The following APBA2 variants were observed in gnomAD, a reference collection of about 807,000 sequenced individuals.
The protein encoded by APBA2 is amyloid-beta A4 precursor protein-binding family A member 2.
A neutral mutation model predicts 75.0 loss-of-function variants in APBA2; 30 were observed. That is an observed-to-expected ratio of 0.40 (90% CI 0.30 to 0.54). The LOEUF is 0.54. Ranked by LOEUF, APBA2 falls within the 20% of genes least tolerant of loss-of-function variation. The probability of loss-of-function intolerance (pLI) is 0.49; values close to 1 mark genes in which losing one functional copy is unlikely to be tolerated. For missense variants in APBA2, 801 were observed against 1,016.1 expected, an observed-to-expected ratio of 0.79 and a Z score of 2.88; for synonymous variants, 444 against 409.6, an observed-to-expected ratio of 1.08 and a Z score of -1.01.
At chr15:29,026,828 G>A (rs1259220294) in intron 3 of APBA2, among the ~76,000 whole-genome samples, 2 of 152,186 alleles carry the variant, frequency 1.3e-5, no homozygotes, top group African/African-American at 4.8e-5. Context: ...GGCTGAGGCA[G>A]GAGAATGGTG....
chr15:28,939,791 C>G (rs909643180), intron 2 of APBA2, among the ~76,000 whole-genome samples: 1 of 152,156 alleles, frequency 6.6e-6, no homozygotes, highest in African/African-American at 2.4e-5. Flanking sequence ...CAGCAGGGCC[C>G]CTAGGGTGCC....
At chr15:28,949,852 C>T (rs1392653389) in intron 2 of APBA2, among the ~76,000 whole-genome samples, 2 of 152,206 alleles carry the variant, frequency 1.3e-5, no homozygotes, top group African/African-American at 2.4e-5. Flanking sequence ...AATTCCCATG[C>T]TTGCTTCCTC....
At chr15:28,938,585 T>G (rs2035012320) in intron 2 of APBA2, among the ~76,000 whole-genome samples, 1 of 152,188 alleles carries the variant, frequency 6.6e-6, no homozygotes, top group South Asian at 2.1e-4. Flanking sequence ...CTTGGCTCAC[T>G]GCACCCTCCA....
intron 3 of APBA2, among the ~76,000 whole-genome samples, chr15:29,042,827 T>A (rs1595811244): frequency 6.6e-6 from 1 of 152,026 alleles, no homozygotes; most frequent in Non-Finnish European, 1.5e-5. Flanking sequence ...GTAGAGGGTG[T>A]ATTTAGCAGT....
Position 29,058,876 on chromosome 15 carries a change from TAG to T in APBA2, c.951+4044_951+4045del, listed in dbSNP as rs1466957391. Reference sequence around the variant, plus strand: ...CATGTGGCATTGTAGAATTCCACTGTAGAGTTTTCAAATCAAAGAGACAAACC... The same window carrying T: ...CATGTGGCATTGTAGAATTCCACTGTAGTTTTCAAATCAAAGAGACAAACC... On this transcript the variant is annotated intron_variant, in intron 4 of 14. Transcript: ENST00000683413. 2.0e-5 allele frequency among the ~76,000 whole-genome samples: 3 copies of T among 152,274 alleles called. No individual in the cohort carries two copies. The East Asian group carries it at 5.8e-4, about 29-fold the overall frequency.
intron 3 of APBA2, among the ~76,000 whole-genome samples, chr15:29,036,106 C>T (rs1052173517): frequency 1.3e-5 from 2 of 152,176 alleles, no homozygotes; most frequent in African/African-American, 4.8e-5. Flanking sequence ...CAGAGGCTGC[C>T]TTGCCCCTCC....
At chr15:28,975,207 A>G (rs1261365862) in intron 2 of APBA2, among the ~76,000 whole-genome samples, 1 of 150,836 alleles carries the variant, frequency 6.6e-6, no homozygotes, top group African/African-American at 2.5e-5. Flanking sequence ...GAAAGTTTTA[A>G]AAAAAAATTC....
At chr15:28,925,012 G>GT (rs904795267) in intron 2 of APBA2, among the ~76,000 whole-genome samples, 1 of 151,974 alleles carries the variant, frequency 6.6e-6, no homozygotes, top group African/African-American at 2.4e-5. Flanking sequence ...TCCTGAATAG[G>GT]TTTTTTGGTA....
rs770415748 is a variant in APBA2, at chr15:29,105,531, C to T, written c.1677C>T (p.His559=). The change falls in exon 11 of 15, where the codon CAC becomes CAT. Residue 559 remains histidine, a synonymous_variant. Transcript: ENST00000683413. ...TQEMYNDDLI[H]FSNSENCKEL... is the part of the protein sequence containing the mutation. ...AGATGTACAACGACGACCTCATCCACTTCTCAAACTCGGAGAACTGCAAGG... is the reference window on the plus strand; with the variant it reads ...AGATGTACAACGACGACCTCATCCATTTCTCAAACTCGGAGAACTGCAAGG... 4 of 1,613,742 alleles carry T rather than the reference C, an allele frequency of 2.5e-6. No individual in the cohort carries two copies. The highest frequency in any genetic ancestry group is 2.7e-5 in the African/African-American group (2 of 75,044).
At chr15:29,003,740 A>G (rs2336944) in intron 3 of APBA2, among the ~76,000 whole-genome samples, 4,360 of 152,354 alleles carry the variant, frequency 0.029, 213 homozygotes, top group African/African-American at 0.1. Context: ...TGGAACTCCC[A>G]GGCATGGCTG....
chr15:29,090,799 C>T (rs950185740), intron 6 of APBA2, among the ~76,000 whole-genome samples: 5 of 152,120 alleles, frequency 3.3e-5, no homozygotes, highest in Admixed American at 2.0e-4. Context: ...CTGGGGACGG[C>T]AAGGTGGTGT....
At chr15:29,072,311 CA>C (rs2042658981) in intron 4 of APBA2, among the ~76,000 whole-genome samples, 1 of 152,126 alleles carries the variant, frequency 6.6e-6, no homozygotes, top group East Asian at 1.9e-4. Context: ...GGGGAACTTT[CA>C]GACAAGTGGG....
At chr15:29,062,270 C>T (rs555192607) in intron 4 of APBA2, among the ~76,000 whole-genome samples, 5 of 152,138 alleles carry the variant, frequency 3.3e-5, no homozygotes, top group South Asian at 2.1e-4. Context: ...GGAGGCTGCA[C>T]GGGAGGGTTC....
chr15:28,963,685 A>G (rs1055301628), intron 2 of APBA2, among the ~76,000 whole-genome samples: 2 of 152,200 alleles, frequency 1.3e-5, no homozygotes, highest in East Asian at 3.8e-4. Flanking sequence ...GGGAGTTGAT[A>G]TACTCTTGTT....
chr15:28,969,147 TC>T (rs2036909567), intron 2 of APBA2, among the ~76,000 whole-genome samples: 1 of 76,170 alleles, frequency 1.3e-5, no homozygotes, highest in Non-Finnish European at 2.0e-5. Flanking sequence ...TTTCTTTCTT[TC>T]TTTCTTTCTT....
chr15:28,892,778 C>T lies in APBA2; in HGVS notation c.-205+6500C>T, dbSNP rs1479542566. Among the ~76,000 whole-genome samples the T allele has an allele frequency of 2.6e-5, 4 of 151,918 alleles. No homozygotes were observed. The South Asian group carries it at 6.2e-4, about 24-fold the overall frequency. On this transcript the variant is annotated intron_variant, in intron 1 of 14. Coordinates refer to ENST00000683413, the MANE Select transcript of APBA2 (RefSeq NM_001353788.2). ...GGGCAGCTGTAAATATGAATTCCTC[C>T]GAACTGTTGTATGCATTGTTAATTT...
At chr15:28,984,320 C>T (rs747733784) in intron 2 of APBA2, among the ~76,000 whole-genome samples, 2 of 151,918 alleles carry the variant, frequency 1.3e-5, no homozygotes, top group East Asian at 1.9e-4. Flanking sequence ...GAGTACCTGC[C>T]GGCACCTCAT....
At chr15:29,027,748 C>A (rs1566922493) in intron 3 of APBA2, among the ~76,000 whole-genome samples, 2 of 152,056 alleles carry the variant, frequency 1.3e-5, no homozygotes, top group South Asian at 2.1e-4. Flanking sequence ...ACTACAGGCG[C>A]CTGCCACCAC....
At chr15:29,069,105 T>C (rs1347676719) in intron 4 of APBA2, among the ~76,000 whole-genome samples, 8 of 152,234 alleles carry the variant, frequency 5.3e-5, no homozygotes, top group Non-Finnish European at 4.4e-5. Context: ...AAAGATAGGA[T>C]CAGACAATAT....
Sources: allele counts gnomAD v4.1 joint callset (sites outside exome capture counted in the v4.1 genomes callset), GRCh38; gene constraint gnomAD v4.1.1; transcripts MANE v1.5; gene names NCBI Gene and HGNC (gene_info 2026-07-23, HGNC 2026-07-21).